ZNF853: variants seen among roughly 807,000 people sequenced by gnomAD.
ZNF853 encodes zinc finger protein 853.
In ZNF853, 57 loss-of-function variants were observed where a neutral mutation model predicts 94.7. The ratio of observed to expected loss-of-function variants is 0.60; its 90% CI spans 0.49 to 0.75. The LOEUF (loss-of-function observed/expected upper bound fraction) is 0.75. Among genes scored for constraint, ZNF853 ranks in the 30% least tolerant of loss-of-function variants. ZNF853 has a pLI of 0.00. For missense variants in ZNF853, 785 were observed against 868.9 expected, an observed-to-expected ratio of 0.90 and a Z score of 1.21; for synonymous variants, 448 against 406.3, an observed-to-expected ratio of 1.10 and a Z score of -1.23.
In ZNF853 at chr7:6,623,213, G is replaced by A. The variant is rs1437925700; in HGVS notation, c.*242G>A. 4.9e-6 allele frequency: 2 copies of A among 411,882 alleles called. No homozygotes were observed. Among genetic ancestry groups the A allele is most frequent in the South Asian group, 1.2e-4 (1 of 8,092 alleles). 25.5% of individuals were successfully genotyped at this position (411,882 alleles called of 1,614,324 possible). ...GTGGACCGGGGCTGAAACAGCACAC[G>A]GGACACGTTTGTCTGCCCTTTGAGG... is the stretch of plus-strand genomic sequence containing the variant. On this transcript the variant is annotated 3_prime_UTR_variant, in exon 3 of 3. Coordinates refer to ENST00000457543, the MANE Select transcript of ZNF853 (RefSeq NM_017560.3).
chr7:6,619,766 A>G, intron 2 of ZNF853, among the ~76,000 whole-genome samples: 15 of 152,196 alleles, frequency 9.9e-5, no homozygotes, highest in African/African-American at 3.1e-4. Flanking sequence ...ATTTTCCAGT[A>G]GCACAATAGT....
rs549897688 is a variant in ZNF853, at chr7:6,621,952, G to T, written c.961G>T (p.Glu321Ter). The T allele has an allele frequency of 6.4e-7, 1 of 1,551,000 alleles. No individual in the cohort carries two copies. The highest frequency in any genetic ancestry group is 8.7e-7 in the Non-Finnish European group (1 of 1,146,992). ...PLEPEEEEEV[E>*]LELMPVDLGS... Reference sequence around the variant, plus strand: ...GGAGCCCGAGGAGGAGGAAGAGGTGGAGCTGGAGCTCATGCCGGTGGACCT... The same window carrying T: ...GGAGCCCGAGGAGGAGGAAGAGGTGTAGCTGGAGCTCATGCCGGTGGACCT... Residue 321 changes from glutamate (E) to a stop codon, truncating the protein, a stop_gained, in exon 3 of 3, where the codon GAG becomes TAG. Coordinates refer to ENST00000457543, the MANE Select transcript of ZNF853 (RefSeq NM_017560.3). LOFTEE classifies it high-confidence loss of function.
rs761853867 is a variant in ZNF853 at position 6,622,606 on chromosome 7, A to C, written c.1615A>C (p.Lys539Gln). ...GCACCAACGCATCCACACGGGCGAGAAACCCTACGCCTGCTCCTACTGCGC... is the reference window on the plus strand; with the variant it reads ...GCACCAACGCATCCACACGGGCGAGCAACCCTACGCCTGCTCCTACTGCGC... The part of the protein sequence containing the change: ...VTHQRIHTGE[K>Q]PYACSYCAKR... Residue 539 changes from lysine to glutamine, a missense_variant, in exon 3 of 3, where the codon AAA becomes CAA. Transcript: ENST00000457543. 5 of 1,580,818 alleles carry C rather than the reference A, an allele frequency of 3.2e-6. No homozygotes were observed.
At chr7:6,618,112 C>T in intron 2 of ZNF853, among the ~76,000 whole-genome samples, 1 of 150,062 alleles carries the variant, frequency 6.7e-6, no homozygotes, top group Non-Finnish European at 1.5e-5. Context: ...CCAGCCTGGC[C>T]AACATGGTGA....
Position 6,622,375 on chromosome 7 carries a change from G to C in ZNF853, c.1384G>C (p.Gly462Arg). ...AGCGCCGGCCGTGGTGGCCATCCCG[G>C]GCCCGGCAGGCAGCGCGGCGTTGAC... ...VAAPAVVAIP[G>R]PAGSAALTPA... Residue 462 changes from glycine to arginine, a missense_variant, in exon 3 of 3, where the codon GGC becomes CGC. Coordinates refer to ENST00000457543, the MANE Select transcript of ZNF853 (RefSeq NM_017560.3). The C allele has an allele frequency of 5.7e-6, 8 of 1,402,956 alleles. No individual in the cohort carries two copies. Among genetic ancestry groups the C allele is most frequent in the Non-Finnish European group, 7.4e-6 (8 of 1,085,484 alleles). 86.9% of individuals were successfully genotyped at this position (1,402,956 alleles called of 1,614,324 possible). A position where few individuals can be genotyped will look rare whatever the true frequency, so the allele number is the denominator to read the frequency against.
Position 6,621,294 on chromosome 7 carries a change from G to A in ZNF853, c.303G>A (p.Gln101=), listed in dbSNP as rs1196254730. ...AGTTAGAACAGCAGCCCGAGCCGCAGCAACAGCCGCAACACGAGCAGCTGC... is the reference window on the plus strand; with the variant it reads ...AGTTAGAACAGCAGCCCGAGCCGCAACAACAGCCGCAACACGAGCAGCTGC... ...LQQLEQQPEP[Q]QQPQHEQLQQ... Residue 101 remains glutamine (Q), a synonymous_variant, in exon 3 of 3, where the codon CAG becomes CAA. Coordinates refer to ENST00000457543, the MANE Select transcript of ZNF853 (RefSeq NM_017560.3). 1.0e-5 allele frequency: 16 copies of A among 1,550,936 alleles called. No individual in the cohort carries two copies. The highest frequency in any genetic ancestry group is 1.4e-5 in the Non-Finnish European group (16 of 1,146,526).
chr7:6,616,760 T>TA, intron 1 of ZNF853, among the ~76,000 whole-genome samples: 1 of 150,526 alleles, frequency 6.6e-6, no homozygotes, highest in African/African-American at 2.4e-5. Context: ...AAGTATTTAA[T>TA]AAAAAAAGAA....
intron 2 of ZNF853, among the ~76,000 whole-genome samples, chr7:6,619,976 T>C: frequency 6.6e-6 from 1 of 152,198 alleles, no homozygotes; most frequent in African/African-American, 2.4e-5. Context: ...TCCTTGGTAT[T>C]TTTTTGTTAC....
In ZNF853 at chr7:6,623,303, G is replaced by A; in HGVS notation, c.*332G>A. The A allele has an allele frequency of 2.5e-6, 1 of 398,628 alleles. No homozygotes were observed. The highest frequency in any genetic ancestry group is 2.1e-5 in the African/African-American group (1 of 48,744). The allele number at this position is 398,628 out of a possible 1,614,324, so 24.7% of individuals were successfully genotyped here. A position where few individuals can be genotyped will look rare whatever the true frequency, so the allele number is the denominator to read the frequency against. On this transcript the variant is annotated 3_prime_UTR_variant, in exon 3 of 3. Coordinates refer to ENST00000457543, the MANE Select transcript of ZNF853 (RefSeq NM_017560.3). Reference sequence around the variant, plus strand: ...CTACGAACGAGGAAAAACCCCCAGTGGCGAGACGATTAATGACACTGGCCG... The same window carrying A: ...CTACGAACGAGGAAAAACCCCCAGTAGCGAGACGATTAATGACACTGGCCG...
chr7:6,622,988 T>C lies in ZNF853; in HGVS notation c.*17T>C. The C allele has an allele frequency of 8.0e-7, 1 of 1,245,352 alleles. No homozygotes were observed. The highest frequency in any genetic ancestry group is 1.0e-6 in the Non-Finnish European group (1 of 996,188). The allele number at this position is 1,245,352 out of a possible 1,614,324, so 77.1% of individuals were successfully genotyped here. A position where few individuals can be genotyped will look rare whatever the true frequency, so the allele number is the denominator to read the frequency against. ...GCGCTGTGAGGGCCGTGATCGGGGC[T>C]GCCTGGCCGGGAGGGGACCCCCCAC... On this transcript the variant is annotated 3_prime_UTR_variant, in exon 3 of 3. Coordinates refer to ENST00000457543, the MANE Select transcript of ZNF853 (RefSeq NM_017560.3).
Position 6,616,097 on chromosome 7 carries a change from G to C in ZNF853, c.-78G>C. 3 of 1,452,916 alleles carry C rather than the reference G, an allele frequency of 2.1e-6. No homozygotes were observed. The highest frequency in any genetic ancestry group is 2.8e-6 in the Non-Finnish European group (3 of 1,069,138). 90.0% of individuals were successfully genotyped at this position (1,452,916 alleles called of 1,614,324 possible). On this transcript the variant is annotated 5_prime_UTR_variant, in exon 1 of 3. Transcript: ENST00000457543. ...GATGGAGGCGCCTCCGGAAGGAGCC[G>C]GCTGCACGCCGTGGCCTTCACCTCG...
intron 2 of ZNF853, among the ~76,000 whole-genome samples, chr7:6,619,259 T>TTTTGTTTGTTTGTTTGTTTG: frequency 6.6e-6 from 1 of 150,938 alleles, no homozygotes; most frequent in Non-Finnish European, 1.5e-5. Context: ...GGGTTGTTGT[T>TTTTGTTTGTTTGTTTGTTTG]TTTGTTTGTT....
At position 6,621,810 on chromosome 7, in the gene ZNF853, G is replaced by A; in HGVS notation, c.819G>A (p.Gln273=). Residue 273 remains glutamine (Q), a synonymous_variant, in exon 3 of 3, where the codon CAG becomes CAA. Coordinates refer to ENST00000457543, the MANE Select transcript of ZNF853 (RefSeq NM_017560.3). ...QQQLLEQQQA[Q]LQQQLLLQQQ... Reference sequence around the variant, plus strand: ...AGCTGCTGGAACAGCAGCAGGCACAGTTACAGCAGCAGCTACTGCTGCAGC... The same window carrying A: ...AGCTGCTGGAACAGCAGCAGGCACAATTACAGCAGCAGCTACTGCTGCAGC... The A allele has an allele frequency of 6.4e-7, 1 of 1,550,442 alleles. No individual in the cohort carries two copies. Among genetic ancestry groups the A allele is most frequent in the Non-Finnish European group, 8.7e-7 (1 of 1,146,716 alleles).
In ZNF853 at chr7:6,621,691, C is replaced by T. The variant is rs1251910508; in HGVS notation, c.700C>T (p.Gln234Ter). Residue 234 changes from glutamine to a stop codon, truncating the protein, a stop_gained, in exon 3 of 3, where the codon CAG becomes TAG. Transcript: ENST00000457543. LOFTEE classifies it high-confidence loss of function. The stretch of plus-strand genomic sequence containing the variant: ...GCAACAGTTTCAACAGCAGCAGGAA[C>T]AGTTACAGCAGCAGCAGCAGCTACT... ...QQQQFQQQQE[Q>*]LQQQQQLLLL... The T allele has an allele frequency of 2.6e-6, 4 of 1,551,450 alleles. No individual in the cohort carries two copies. The highest frequency in any genetic ancestry group is 3.5e-6 in the Non-Finnish European group (4 of 1,147,002).
In ZNF853 at chr7:6,622,357, G is replaced by A; in HGVS notation, c.1366G>A (p.Ala456Thr). ...LMVLPAVAAP[A>T]VVAIPGPAGS... ...GGTGCTGCCCGCCGTGGCAGCGCCGGCCGTGGTGGCCATCCCGGGCCCGGC... is the reference window on the plus strand; with the variant it reads ...GGTGCTGCCCGCCGTGGCAGCGCCGACCGTGGTGGCCATCCCGGGCCCGGC... Residue 456 changes from alanine to threonine, a missense_variant, in exon 3 of 3, where the codon GCC (alanine) becomes ACC (threonine). Ala to Thr is a moderately conservative substitution (Grantham distance 58, BLOSUM62 0). Transcript: ENST00000457543. The A allele has an allele frequency of 1.4e-6, 2 of 1,436,942 alleles. No homozygotes were observed. Among genetic ancestry groups the A allele is most frequent in the South Asian group, 1.4e-5 (1 of 72,662 alleles). The allele number at this position is 1,436,942 out of a possible 1,614,324, so 89.0% of individuals were successfully genotyped here. A position where few individuals can be genotyped will look rare whatever the true frequency, so the allele number is the denominator to read the frequency against.
In ZNF853 at chr7:6,622,224, G is replaced by GACCCC; in HGVS notation, c.1233_1234insACCCC (p.Gln412ThrfsTer60). The GACCCC allele has an allele frequency of 6.5e-7, 1 of 1,533,268 alleles. No homozygotes were observed. The highest frequency in any genetic ancestry group is 8.7e-7 in the Non-Finnish European group (1 of 1,144,066). 95.0% of individuals were successfully genotyped at this position (1,533,268 alleles called of 1,614,324 possible). A position where few individuals can be genotyped will look rare whatever the true frequency, so the allele number is the denominator to read the frequency against. On this transcript the variant is annotated frameshift_variant, in exon 3 of 3. Transcript: ENST00000457543. LOFTEE classifies it high-confidence loss of function. ...AGCTGACCCCCGTGCAGCCGGAGCT[G>GACCCC]CAGCTGGAACTGGTGCCAGCCGCAG...
chr7:6,621,942 G>C lies in ZNF853; in HGVS notation c.951G>C (p.Glu317Asp). 1 of 1,551,100 alleles carries C rather than the reference G, an allele frequency of 6.4e-7. No homozygotes were observed. The highest frequency in any genetic ancestry group is 1.2e-5 in the South Asian group (1 of 84,026). The change falls in exon 3 of 3, where the codon GAG becomes GAC. Residue 317 changes from glutamate (E) to aspartate (D), a missense_variant. Glu to Asp is a conservative substitution (Grantham distance 45). Transcript: ENST00000457543. ...CTCCTCCCCTGGAGCCCGAGGAGGA[G>C]GAAGAGGTGGAGCTGGAGCTCATGC... ...LQPPPLEPEEEEEVELELMPV... is the reference protein window; with the variant it reads ...LQPPPLEPEEDEEVELELMPV...
intron 2 of ZNF853, among the ~76,000 whole-genome samples, chr7:6,620,521 G>A: frequency 6.6e-6 from 1 of 152,096 alleles, no homozygotes; most frequent in African/African-American, 2.4e-5. Context: ...TCAGGGAGCT[G>A]GGGTCCAGAG....
intron 2 of ZNF853, among the ~76,000 whole-genome samples, chr7:6,618,562 T>A: frequency 6.6e-6 from 1 of 152,086 alleles, no homozygotes; most frequent in South Asian, 2.1e-4. Context: ...TTTAAAAAAT[T>A]AGCTAGGCGT....
Sources: allele counts gnomAD v4.1 joint callset (sites outside exome capture counted in the v4.1 genomes callset), GRCh38; gene constraint gnomAD v4.1.1; transcripts MANE v1.5; gene names NCBI Gene and HGNC (gene_info 2026-07-23, HGNC 2026-07-21).